Variants in GRIK1 observed in about 807,000 individuals in gnomAD.
GRIK1 encodes the protein glutamate receptor ionotropic, kainate 1.
GRIK1 carries 69 observed loss-of-function variants against 105.7 expected under a neutral mutation model. The ratio of observed to expected loss-of-function variants is 0.65; its 90% CI spans 0.54 to 0.80. The LOEUF (loss-of-function observed/expected upper bound fraction) is 0.80, where lower values mean the gene tolerates loss of function less well. Ranked by LOEUF, GRIK1 falls within the 30% of genes least tolerant of loss-of-function variation. The pLI is 0.00. For missense variants in GRIK1, 1,109 were observed against 1,167.3 expected (o/e 0.95, Z 0.73); for synonymous variants, 438 against 431.3 (o/e 1.02, Z -0.19).
chr21:29,654,331 A>G (rs2062802196), intron 5 of GRIK1, among the ~76,000 whole-genome samples: 1 of 152,200 alleles, frequency 6.6e-6, no homozygotes, highest in South Asian at 2.1e-4. Context: ...AAAATGTTCA[A>G]TGTGCAGAGC....
intron 1 of GRIK1, among the ~76,000 whole-genome samples, chr21:29,873,488 A>G (rs1401828365): frequency 6.6e-6 from 1 of 152,168 alleles, no homozygotes; most frequent in African/African-American, 2.4e-5. Flanking sequence ...CTGTAAATCA[A>G]CCACATAGAG....
At chr21:29,846,163 G>A (rs1247564339) in intron 1 of GRIK1, among the ~76,000 whole-genome samples, 1 of 151,426 alleles carries the variant, frequency 6.6e-6, no homozygotes, top group African/African-American at 2.4e-5. Flanking sequence ...GGTCGAGAGG[G>A]GCAGATCACC....
chr21:29,748,147 T>C (rs2065092416), intron 1 of GRIK1: 1 of 152,198 alleles, frequency 6.6e-6, no homozygotes, highest in Admixed American at 6.5e-5. Context: ...TTAATCAGAG[T>C]ATTGTTTGAA....
At chr21:29,554,944 G>A in intron 16 of GRIK1, 108 bp downstream of exon 16, 1 of 900,850 alleles carries the variant, frequency 1.1e-6, no homozygotes, top group South Asian at 1.8e-5. Flanking sequence ...GCTCTTCTGG[G>A]CATCTAATTC....
At chr21:29,620,778 TATAG>T (rs1437420274) in intron 7 of GRIK1, among the ~76,000 whole-genome samples, 3 of 116,018 alleles carry the variant, frequency 2.6e-5, no homozygotes, top group African/African-American at 1.4e-4. Context: ...GTCATATATA[TATAG>T]ATATATATAT....
At chr21:29,626,631 A>T (rs577143102) in intron 7 of GRIK1, among the ~76,000 whole-genome samples, 1 of 152,250 alleles carries the variant, frequency 6.6e-6, no homozygotes, top group African/African-American at 2.4e-5. Flanking sequence ...TTAATAGGGC[A>T]CTGTTTGACA....
intron 1 of GRIK1, among the ~76,000 whole-genome samples, chr21:29,919,915 AT>A (rs975950809): frequency 2.0e-5 from 3 of 152,102 alleles, no homozygotes; most frequent in African/African-American, 7.2e-5. Flanking sequence ...AAATAAACCA[AT>A]TAAGTTTTGA....
At chr21:29,693,096 C>T (rs1012889868) in intron 2 of GRIK1, among the ~76,000 whole-genome samples, 4 of 152,140 alleles carry the variant, frequency 2.6e-5, no homozygotes, top group Non-Finnish European at 5.9e-5. Context: ...GCAAGGATTC[C>T]TCTCTGAGGC....
chr21:29,844,436 C>T (rs1033764827), intron 1 of GRIK1, among the ~76,000 whole-genome samples: 2 of 152,164 alleles, frequency 1.3e-5, no homozygotes, highest in Non-Finnish European at 2.9e-5. Flanking sequence ...TTATACTTCT[C>T]TTCTTCAATA....
chr21:29,916,016 T>G (rs2070983072), intron 1 of GRIK1, among the ~76,000 whole-genome samples: 2 of 152,000 alleles, frequency 1.3e-5, no homozygotes, highest in Admixed American at 1.3e-4. Flanking sequence ...AGTCAAAAAC[T>G]ACTCTGTAAA....
At chr21:29,590,615 C>T (rs2061319162) in intron 10 of GRIK1, among the ~76,000 whole-genome samples, 1 of 152,152 alleles carries the variant, frequency 6.6e-6, no homozygotes, top group African/African-American at 2.4e-5. Context: ...AGGGCTGAGG[C>T]AGGAGGGAGG....
At chr21:29,603,620 A>T (rs1386317169) in intron 7 of GRIK1, among the ~76,000 whole-genome samples, 1 of 152,066 alleles carries the variant, frequency 6.6e-6, no homozygotes, top group African/African-American at 2.4e-5. Flanking sequence ...TCACACCTCA[A>T]TTCTAGTTTT....
Position 29,671,402 on chromosome 21 carries a change from G to T in GRIK1, c.726+1581C>A, listed in dbSNP as rs539207105. ...AACCTCCCAACTCCAACTTTAAATA[G>T]AATTTTTTTTTTTTTTTTTACTCTA... On this transcript the variant is annotated intron_variant, in intron 4 of 17. Transcript: ENST00000327783. Among the ~76,000 whole-genome samples the T allele has an allele frequency of 3.3e-3, 485 of 145,024 alleles. 4 individuals carry two copies. Among genetic ancestry groups the T allele is most frequent in the African/African-American group, 0.013 (464 of 35,908 alleles).
Position 29,795,290 on chromosome 21 carries a change from C to A in GRIK1, c.119-101227G>T, listed in dbSNP as rs150167309. ...ACCTCAGGTGTTCCGCCTGCCTTGG[C>A]CTCTGAAAATGCTAGGATTACAGGC... On this transcript the variant is annotated intron_variant, in intron 1 of 17. Coordinates refer to ENST00000327783, the MANE Select transcript of GRIK1 (RefSeq NM_001330994.2). Among the ~76,000 whole-genome samples, 67 of 152,158 alleles carry A rather than the reference C, an allele frequency of 4.4e-4. 3 individuals carry two copies. In the East Asian group the frequency reaches 0.013, roughly 29 times the overall value.
intron 16 of GRIK1, among the ~76,000 whole-genome samples, chr21:29,552,995 T>A (rs1037043388): frequency 6.6e-6 from 1 of 152,080 alleles, no homozygotes; most frequent in African/African-American, 2.4e-5. Flanking sequence ...TAAGACACTT[T>A]TGAGTCTTTG....
intron 14 of GRIK1, among the ~76,000 whole-genome samples, chr21:29,570,791 C>A (rs1482388024): frequency 1.3e-5 from 2 of 150,256 alleles, no homozygotes; most frequent in African/African-American, 4.9e-5. Flanking sequence ...GATCTTGTGA[C>A]AACATAAGCC....
intron 1 of GRIK1, among the ~76,000 whole-genome samples, chr21:29,751,925 A>G (rs957889752): frequency 2.0e-5 from 3 of 152,222 alleles, no homozygotes; most frequent in African/African-American, 7.2e-5. Context: ...TCACAAAGTT[A>G]ATGAGGACAT....
chr21:29,544,860 C>T (rs2146099003), intron 16 of GRIK1, among the ~76,000 whole-genome samples: 1 of 152,318 alleles, frequency 6.6e-6, no homozygotes, highest in South Asian at 2.1e-4. Flanking sequence ...AGAATCTTGA[C>T]CAAAGCCTAG....
chr21:29,571,163 A>G, intron 14 of GRIK1, among the ~76,000 whole-genome samples: 1 of 152,032 alleles, frequency 6.6e-6, no homozygotes, highest in East Asian at 1.9e-4. Flanking sequence ...CCTGGCTGAG[A>G]TGGTGAAACA....
Sources: gnomAD v4.1 joint callset for allele counts (sites outside exome capture counted in the v4.1 genomes callset) on GRCh38, gnomAD v4.1.1 for gene constraint, MANE v1.5 for transcripts, NCBI Gene and HGNC (gene_info 2026-07-23, HGNC 2026-07-21) for gene names.